The following MIPEP variants were observed in gnomAD, a reference collection of about 807,000 sequenced individuals.
The protein encoded by MIPEP is mitochondrial intermediate peptidase.
A neutral mutation model predicts 90.3 loss-of-function variants in MIPEP; 79 were observed. The observed-to-expected ratio is 0.87, with a 90% CI of 0.73 to 1.05. The LOEUF is 1.05. Among genes scored for constraint, MIPEP ranks in the 50% least tolerant of loss-of-function variants. The pLI is 0.00. For missense variants in MIPEP, 940 were observed against 905.6 expected (o/e 1.04, Z -0.49); for synonymous variants, 334 against 315.8 (o/e 1.06, Z -0.61).
intron 16 of MIPEP, among the ~76,000 whole-genome samples, chr13:23,795,155 T>C (rs1952942851): frequency 6.6e-6 from 1 of 152,006 alleles, no homozygotes; most frequent in African/African-American, 2.4e-5. Flanking sequence ...AGACTTTCCA[T>C]TTGCAGGAGA....
At chr13:23,801,241 C>A (rs1953036402) in intron 16 of MIPEP, among the ~76,000 whole-genome samples, 1 of 152,204 alleles carries the variant, frequency 6.6e-6, no homozygotes, top group African/African-American at 2.4e-5. Context: ...GAAAGCCTTG[C>A]AGTTGTCCCA....
intron 16 of MIPEP, among the ~76,000 whole-genome samples, chr13:23,761,532 T>C (rs944776218): frequency 2.6e-5 from 4 of 152,228 alleles, no homozygotes; most frequent in African/African-American, 9.6e-5. Flanking sequence ...TGGATTTTCA[T>C]GGAAGGACAC....
intron 14 of MIPEP, among the ~76,000 whole-genome samples, chr13:23,814,706 T>G (rs1263266914): frequency 6.6e-6 from 1 of 152,182 alleles, no homozygotes; most frequent in Non-Finnish European, 1.5e-5. Context: ...TTCAGGCTGT[T>G]TCTAACATTC....
chr13:23,862,374 G>C lies in MIPEP; in HGVS notation c.993-12C>G. On this transcript the variant is annotated splice_polypyrimidine_tract_variant and intron_variant, in intron 8 of 18. Transcript: ENST00000382172. ...AATCTTTCAGAGTTCTATAAAACAG[G>C]TTTATCATTACTTGTTAGGACAAAA... is the stretch of plus-strand genomic sequence containing the variant. 6.5e-7 allele frequency: 1 copy of C among 1,529,636 alleles called. No individual in the cohort carries two copies. The allele number at this position is 1,529,636 out of a possible 1,614,324, so 94.8% of individuals were successfully genotyped here.
chr13:23,747,882 C>A (rs112283062), intron 18 of MIPEP, among the ~76,000 whole-genome samples: 4,151 of 152,086 alleles, frequency 0.027, 222 homozygotes, highest in African/African-American at 0.096. Flanking sequence ...CTGGGACTAC[C>A]GGCGTATGCC....
intron 10 of MIPEP, among the ~76,000 whole-genome samples, chr13:23,846,988 C>T (rs1869574822): frequency 6.6e-6 from 1 of 152,046 alleles, no homozygotes; most frequent in African/African-American, 2.4e-5. Flanking sequence ...GTTTACAAGA[C>T]AGTAAGTAAC....
At chr13:23,801,901 CCCT>C (rs1463767706) in intron 16 of MIPEP, among the ~76,000 whole-genome samples, 4 of 152,152 alleles carry the variant, frequency 2.6e-5, no homozygotes, top group Non-Finnish European at 5.9e-5. Context: ...CTGTTATAAA[CCCT>C]CCTATTTTTT....
intron 16 of MIPEP, among the ~76,000 whole-genome samples, chr13:23,787,522 T>C (rs1308370230): frequency 1.3e-5 from 2 of 152,144 alleles, no homozygotes; most frequent in Non-Finnish European, 1.5e-5. Flanking sequence ...TATCTTCATA[T>C]CCTAAAGATC....
intron 10 of MIPEP, among the ~76,000 whole-genome samples, chr13:23,857,726 G>C (rs1870107942): frequency 6.6e-6 from 1 of 152,166 alleles, no homozygotes; most frequent in African/African-American, 2.4e-5. Flanking sequence ...TGAAAATTAA[G>C]TGAGTAAGTG....
intron 18 of MIPEP, among the ~76,000 whole-genome samples, chr13:23,751,607 G>T (rs1365723152): frequency 6.6e-6 from 1 of 152,152 alleles, no homozygotes; most frequent in East Asian, 1.9e-4. Flanking sequence ...ATAACCTCCT[G>T]GAATGCTAAA....
intron 3 of MIPEP, among the ~76,000 whole-genome samples, 168 bp from the exon 4 acceptor site, chr13:23,879,522 T>C (rs891188284): frequency 6.6e-6 from 1 of 151,938 alleles, no homozygotes; most frequent in Non-Finnish European, 1.5e-5. Flanking sequence ...CCTTCCCTTC[T>C]TTCTTTCTTT....
chr13:23,753,301 G>A (rs913319588), intron 18 of MIPEP, among the ~76,000 whole-genome samples: 2 of 151,672 alleles, frequency 1.3e-5, no homozygotes, highest in African/African-American at 2.4e-5. Context: ...TTTACCTCCC[G>A]CAAGGAAATT....
At chr13:23,880,477 C>A (rs548086484) in intron 3 of MIPEP, among the ~76,000 whole-genome samples, 6 of 152,260 alleles carry the variant, frequency 3.9e-5, no homozygotes, top group Non-Finnish European at 8.8e-5. Context: ...AAAGCCCATA[C>A]TTCAGTCTGT....
intron 11 of MIPEP, among the ~76,000 whole-genome samples, chr13:23,841,089 A>G (rs1228966158): frequency 1.3e-5 from 2 of 152,216 alleles, no homozygotes; most frequent in Non-Finnish European, 2.9e-5. Context: ...ATGAAGGTGC[A>G]TATATATTCA....
chr13:23,838,363 G>A (rs1869147702), intron 12 of MIPEP, among the ~76,000 whole-genome samples: 4 of 152,032 alleles, frequency 2.6e-5, no homozygotes, highest in Non-Finnish European at 5.9e-5. Flanking sequence ...GCCAGGGCTG[G>A]TCTTGAACTC....
chr13:23,887,704 A>C (rs7997447), intron 1 of MIPEP, among the ~76,000 whole-genome samples: 37,027 of 152,058 alleles, frequency 0.24, 4,680 homozygotes, highest in East Asian at 0.45. Context: ...TTGTTAATTC[A>C]CTTTGTAGGT....
At chr13:23,878,709 C>T (rs9580771) in intron 4 of MIPEP, among the ~76,000 whole-genome samples, 2 of 152,102 alleles carry the variant, frequency 1.3e-5, no homozygotes, top group Admixed American at 1.3e-4. Flanking sequence ...AAAAGTAAGG[C>T]CTTTTTGATG....
chr13:23,764,951 T>G (rs1434226201), intron 16 of MIPEP, among the ~76,000 whole-genome samples: 1 of 152,260 alleles, frequency 6.6e-6, no homozygotes, highest in Admixed American at 6.5e-5. Context: ...TTTTTATCAC[T>G]GGAACATTAT....
chr13:23,739,934 T>TA (rs1206158394), intron 18 of MIPEP, among the ~76,000 whole-genome samples: 1 of 152,238 alleles, frequency 6.6e-6, no homozygotes, highest in Non-Finnish European at 1.5e-5. Context: ...TGGAAATACA[T>TA]AACTGTTCAT....
Sources: allele counts gnomAD v4.1 joint callset (sites outside exome capture counted in the v4.1 genomes callset), GRCh38; gene constraint gnomAD v4.1.1; transcripts MANE v1.5; gene names NCBI Gene and HGNC (gene_info 2026-07-23, HGNC 2026-07-21).